Variants in PDE10A observed in about 807,000 individuals in gnomAD.
The protein encoded by PDE10A is phosphodiesterase 10A.
PDE10A carries 39 observed loss-of-function variants against 97.7 expected under a neutral mutation model. The observed-to-expected ratio is 0.40, with a 90% CI of 0.31 to 0.52. The LOEUF is 0.52. Among genes scored for constraint, PDE10A ranks in the 20% least tolerant of loss-of-function variants. PDE10A has a pLI of 0.56. For missense variants in PDE10A, 731 were observed against 1,047.8 expected (o/e 0.70, Z 4.17); for synonymous variants, 371 against 376.8 (o/e 0.98, Z 0.18).
At chr6:165,543,238 T>G (rs932334529) in intron 2 of PDE10A, among the ~76,000 whole-genome samples, 19 of 152,224 alleles carry the variant, frequency 1.2e-4, no homozygotes, top group African/African-American at 4.3e-4. Context: ...CAAATTTTTA[T>G]TTTTAATTAG....
chr6:165,366,048 C>T (rs1783751058), intron 18 of PDE10A, among the ~76,000 whole-genome samples: 1 of 152,024 alleles, frequency 6.6e-6, no homozygotes, highest in Admixed American at 6.5e-5. Context: ...ACCTATTCAT[C>T]AAATAAGAAA....
chr6:165,603,686 G>A (rs538632796), intron 1 of PDE10A, among the ~76,000 whole-genome samples: 1 of 152,350 alleles, frequency 6.6e-6, no homozygotes, highest in Non-Finnish European at 1.5e-5. Flanking sequence ...CCTATGCGCA[G>A]AGCGACTTCA....
At chr6:165,708,424 T>G (rs977324976) in intron 1 of PDE10A, among the ~76,000 whole-genome samples, 1 of 151,976 alleles carries the variant, frequency 6.6e-6, no homozygotes, top group Admixed American at 6.6e-5. Flanking sequence ...ATTTGCATCT[T>G]CATCTCCTGT....
chr6:165,896,118 T>C (rs892305631), intron 1 of PDE10A, among the ~76,000 whole-genome samples: 1 of 152,174 alleles, frequency 6.6e-6, no homozygotes, highest in Non-Finnish European at 1.5e-5. Flanking sequence ...TGGGCTTTGA[T>C]AACCCTCTGG....
At chr6:165,485,059 T>C (rs1340707581) in intron 2 of PDE10A, among the ~76,000 whole-genome samples, 2 of 152,200 alleles carry the variant, frequency 1.3e-5, no homozygotes, top group Non-Finnish European at 2.9e-5. Context: ...TATGGGTTCA[T>C]TGCAACAGGT....
rs550693082 is a variant in PDE10A at position 165,723,415 on chromosome 6, C to T, written c.-614-179847G>A. Among the ~76,000 whole-genome samples the T allele has an allele frequency of 3.3e-5, 5 of 152,152 alleles. 1 individual carries two copies. In the South Asian group the frequency reaches 8.3e-4, roughly 25 times the overall value. ...ATCTCCGAGTCCTTTATATTTACAACGTGACTGTGCTGCAAAAAATAGTGC... is the reference window on the plus strand; with the variant it reads ...ATCTCCGAGTCCTTTATATTTACAATGTGACTGTGCTGCAAAAAATAGTGC... On this transcript the variant is annotated intron_variant, in intron 1 of 19. Transcript: ENST00000366882.
intron 10 of PDE10A, among the ~76,000 whole-genome samples, chr6:165,427,501 A>G (rs960727750): frequency 1.3e-5 from 2 of 152,090 alleles, no homozygotes; most frequent in African/African-American, 2.4e-5. Flanking sequence ...GTGATAAGCT[A>G]AGGAGATGAT....
chr6:165,892,998 G>A (rs1312328037), intron 1 of PDE10A, among the ~76,000 whole-genome samples: 2 of 152,190 alleles, frequency 1.3e-5, no homozygotes, highest in Non-Finnish European at 2.9e-5. Context: ...ATGGTCTCAC[G>A]TTCACACCTG....
At chr6:165,739,391 G>A (rs550407628) in intron 1 of PDE10A, among the ~76,000 whole-genome samples, 2 of 152,142 alleles carry the variant, frequency 1.3e-5, no homozygotes, top group Admixed American at 1.3e-4. Context: ...ATGGGAGAAC[G>A]GACAGTGTCT....
chr6:165,827,733 C>A (rs1038771897), intron 1 of PDE10A, among the ~76,000 whole-genome samples: 3 of 152,126 alleles, frequency 2.0e-5, no homozygotes, highest in African/African-American at 7.2e-5. Context: ...GTGGTGATTT[C>A]TGAGATTTTG....
At chr6:165,810,394 A>C (rs141869103) in intron 1 of PDE10A, among the ~76,000 whole-genome samples, 222 of 152,186 alleles carry the variant, frequency 1.5e-3, no homozygotes, top group African/African-American at 5.1e-3. Flanking sequence ...TCCCCTCCTC[A>C]CTGGTTCTTC....
chr6:165,621,511 A>T (rs556787931), intron 1 of PDE10A, among the ~76,000 whole-genome samples: 1 of 152,200 alleles, frequency 6.6e-6, no homozygotes, highest in African/African-American at 2.4e-5. Flanking sequence ...TAATCCCAGC[A>T]CTTTGGAAGG....
chr6:165,836,220 G>C (rs937765058), intron 1 of PDE10A, among the ~76,000 whole-genome samples: 1 of 152,160 alleles, frequency 6.6e-6, no homozygotes, highest in African/African-American at 2.4e-5. Context: ...GGCTACACCA[G>C]ACCTCTTCCG....
At chr6:165,890,429 C>A (rs1009693256) in intron 1 of PDE10A, among the ~76,000 whole-genome samples, 2 of 152,180 alleles carry the variant, frequency 1.3e-5, no homozygotes, top group African/African-American at 4.8e-5. Context: ...GCGACAGTGG[C>A]TTTAGCTGTT....
chr6:165,770,986 C>T (rs991140539), intron 1 of PDE10A, among the ~76,000 whole-genome samples: 1 of 152,194 alleles, frequency 6.6e-6, no homozygotes, highest in Non-Finnish European at 1.5e-5. Context: ...CACCATTCCC[C>T]GGTGGGACGG....
chr6:165,767,423 C>T (rs750850896), intron 1 of PDE10A, among the ~76,000 whole-genome samples: 25 of 152,184 alleles, frequency 1.6e-4, no homozygotes, highest in Non-Finnish European at 3.4e-4. Context: ...ACTCCACATC[C>T]GTTGGCAGCC....
intron 1 of PDE10A, among the ~76,000 whole-genome samples, chr6:165,972,411 G>T (rs145359641): frequency 6.6e-6 from 1 of 152,064 alleles, no homozygotes; most frequent in Non-Finnish European, 1.5e-5. Context: ...TACCCTGCCA[G>T]GTGGTATGAC....
At chr6:165,357,502 C>A (rs1236506418) in intron 18 of PDE10A, among the ~76,000 whole-genome samples, 1 of 152,002 alleles carries the variant, frequency 6.6e-6, no homozygotes, top group African/African-American at 2.4e-5. Context: ...CTGTTGAGGC[C>A]TGGTCCTGAG....
In PDE10A at chr6:165,720,772, G is replaced by A. The variant is rs114668303; in HGVS notation, c.-614-177204C>T. Among the ~76,000 whole-genome samples, 921 of 152,288 alleles carry A rather than the reference G, an allele frequency of 6.0e-3. 5 individuals carry two copies. The highest frequency in any genetic ancestry group is 0.021 in the African/African-American group (870 of 41,572). Reference sequence around the variant, plus strand: ...CAATGTAATGTGATTGCTAGGAGGAGGGTTCTCTCAAACAAGTTTAGGATG... The same window carrying A: ...CAATGTAATGTGATTGCTAGGAGGAAGGTTCTCTCAAACAAGTTTAGGATG... On this transcript the variant is annotated intron_variant, in intron 1 of 19. Coordinates refer to the PDE10A transcript ENST00000366882.
Sources: allele counts gnomAD v4.1 joint callset (sites outside exome capture counted in the v4.1 genomes callset), GRCh38; gene constraint gnomAD v4.1.1; transcripts MANE v1.5; gene names NCBI Gene and HGNC (gene_info 2026-07-23, HGNC 2026-07-21).